The following NAMPT variants were observed in gnomAD, a reference collection of about 807,000 sequenced individuals.
NAMPT encodes the protein NAmPRTase.
A neutral mutation model predicts 58.7 loss-of-function variants in NAMPT; 7 were observed. That is an observed-to-expected ratio of 0.12 (90% confidence interval 0.07 to 0.22). The LOEUF (loss-of-function observed/expected upper bound fraction) is 0.22, where lower values mean the gene tolerates loss of function less well. Ranked by LOEUF, NAMPT falls within the 10% of genes least tolerant of loss-of-function variation. The probability of loss-of-function intolerance (pLI) is 1.00; values close to 1 mark genes in which losing one functional copy is unlikely to be tolerated. For synonymous variants in NAMPT, 145 were observed against 198.1 expected, an observed-to-expected ratio of 0.73 and a Z score of 2.25; for missense variants, 271 against 567.9, an observed-to-expected ratio of 0.48 and a Z score of 5.31.
intron 3 of NAMPT, among the ~76,000 whole-genome samples, chr7:106,273,216 C>A (rs997817057): frequency 6.6e-6 from 1 of 152,188 alleles, no homozygotes; most frequent in South Asian, 2.1e-4. Flanking sequence ...ACAGGCCAAA[C>A]ACAGAATCTT....
intron 5 of NAMPT, 68 bp from the exon 6 acceptor site, chr7:106,268,668 G>T: frequency 9.0e-7 from 1 of 1,107,196 alleles, no homozygotes; most frequent in Non-Finnish European, 1.4e-6. Flanking sequence ...CCAGGATGCA[G>T]CCAACCACAT....
chr7:106,259,004 C>T (rs1418712063), intron 8 of NAMPT, among the ~76,000 whole-genome samples: 1 of 152,232 alleles, frequency 6.6e-6, no homozygotes, highest in Non-Finnish European at 1.5e-5. Flanking sequence ...ATTGGGAGTG[C>T]ATCCTCTCAA....
At chr7:106,264,028 C>A (rs928215203) in intron 6 of NAMPT, among the ~76,000 whole-genome samples, 1 of 152,012 alleles carries the variant, frequency 6.6e-6, no homozygotes, top group African/African-American at 2.4e-5. Context: ...AATGAGAGCA[C>A]CTGGCTCCCT....
intron 6 of NAMPT, among the ~76,000 whole-genome samples, chr7:106,264,047 T>C (rs1792363592): frequency 6.6e-6 from 1 of 152,114 alleles, no homozygotes; most frequent in Admixed American, 6.5e-5. Context: ...CTTCTGTGAA[T>C]TTTTGAAACT....
intron 3 of NAMPT, among the ~76,000 whole-genome samples, chr7:106,273,768 A>G (rs1792581009): frequency 6.6e-6 from 1 of 152,218 alleles, no homozygotes; most frequent in Non-Finnish European, 1.5e-5. Context: ...GATAGCTCAC[A>G]GATTCTATTG....
At chr7:106,251,423 A>T (rs1394655275) in intron 10 of NAMPT, among the ~76,000 whole-genome samples, 1 of 152,100 alleles carries the variant, frequency 6.6e-6, no homozygotes, top group Non-Finnish European at 1.5e-5. Context: ...AAAAGGAATG[A>T]CCTTAATACT....
rs1057108508 is a variant in NAMPT, at chr7:106,253,118, T to A, written c.1264A>T (p.Asn422Tyr). 4 of 1,613,140 alleles carry A rather than the reference T, an allele frequency of 2.5e-6. No homozygotes were observed. The highest frequency in any genetic ancestry group is 1.1e-5 in the South Asian group (1 of 91,044). ...NVFKDPVADP[N>Y]KRSKKGRLSL... The stretch of plus-strand genomic sequence containing the variant: ...AATCGGCCCTTTTTGGACCTTTTGT[T>A]GGGATCAGCAACTGGGTCCTTGAAG... The change falls in exon 10 of 11, where the codon AAC (asparagine) becomes TAC (tyrosine). Residue 422 changes from asparagine (N) to tyrosine (Y), a missense_variant. Physicochemically the swap from Asn to Tyr is moderately radical, Grantham distance 143 (BLOSUM62 -2). This residue lies in a region of NAMPT where 143 missense variants were observed against 331.1 expected (regional missense o/e 0.43). Coordinates refer to ENST00000222553, the MANE Select transcript of NAMPT (RefSeq NM_005746.3).
At position 106,284,977 on chromosome 7, in the gene NAMPT, A is replaced by C. The variant is rs939294284; in HGVS notation, c.-93T>G. 2.0e-6 allele frequency: 3 copies of C among 1,502,044 alleles called. No homozygotes were observed. In the African/African-American group the frequency reaches 4.2e-5, roughly 21 times the overall value. 93.0% of individuals were successfully genotyped at this position (1,502,044 alleles called of 1,614,324 possible). A position where few individuals can be genotyped will look rare whatever the true frequency, so the allele number is the denominator to read the frequency against. On this transcript the variant is annotated 5_prime_UTR_variant, in exon 1 of 11. Coordinates refer to ENST00000222553, the MANE Select transcript of NAMPT (RefSeq NM_005746.3). ...GAGCTTCACCGCGCTCCGTTGCTTAAGTCACTGCTCGGTCGGCGGAGGAGG... is the reference window on the plus strand; with the variant it reads ...GAGCTTCACCGCGCTCCGTTGCTTACGTCACTGCTCGGTCGGCGGAGGAGG...
chr7:106,275,956 G>A (rs955795949), intron 2 of NAMPT: 1 of 152,280 alleles, frequency 6.6e-6, no homozygotes, highest in Non-Finnish European at 1.5e-5. Context: ...TGGAGCCTGG[G>A]AGGCAGAGGT....
At chr7:106,285,503 A>C (rs1311275716), upstream of NAMPT, 6 of 975,872 alleles carry the variant, frequency 6.1e-6, no homozygotes, top group African/African-American at 1.8e-5. Flanking sequence ...GGAGCCTCCT[A>C]CTGCCCATCT....
chr7:106,258,799 T>C (rs1331620202), intron 8 of NAMPT, among the ~76,000 whole-genome samples: 3 of 152,210 alleles, frequency 2.0e-5, no homozygotes, highest in Non-Finnish European at 4.4e-5. Flanking sequence ...TTTTTGTTGG[T>C]GGAGGGTCTT....
chr7:106,273,039 T>C (rs1235064810), intron 3 of NAMPT, among the ~76,000 whole-genome samples: 2 of 152,194 alleles, frequency 1.3e-5, no homozygotes, highest in African/African-American at 2.4e-5. Flanking sequence ...ACTACCTTTA[T>C]TCTAAATTCG....
At chr7:106,264,042 G>GTGAATTTT (rs1265785129) in intron 6 of NAMPT, among the ~76,000 whole-genome samples, 1 of 151,984 alleles carries the variant, frequency 6.6e-6, no homozygotes, top group Non-Finnish European at 1.5e-5. Context: ...GCTCCCTTCT[G>GTGAATTTT]TGAATTTTTG....
At chr7:106,256,452 A>G (rs1792200850) in intron 8 of NAMPT, among the ~76,000 whole-genome samples, 1 of 152,248 alleles carries the variant, frequency 6.6e-6, no homozygotes, top group Admixed American at 6.5e-5. Flanking sequence ...TCAAAATTAC[A>G]GCATCTAATT....
Position 106,263,417 on chromosome 7 carries a change from C to T in NAMPT, c.944G>A (p.Gly315Glu). The T allele has an allele frequency of 6.2e-7, 1 of 1,601,038 alleles. No homozygotes were observed. The highest frequency in any genetic ancestry group is 8.6e-7 in the Non-Finnish European group (1 of 1,169,190). Residue 315 changes from glycine (G) to glutamate (E), a missense_variant, in exon 7 of 11, where the codon GGA becomes GAA. Around this residue, in one of 4 missense-constraint regions of NAMPT, gnomAD observed 143 missense variants for 331.1 expected, o/e 0.43. Transcript: ENST00000222553. ...QAPLIIRPDS[G>E]NPLDTVLKVL... ...CTTTAACACAGTGTCAAGAGGGTTT[C>T]CAGAATCAGGTCTGATTATTAGTGG...
chr7:106,273,773 C>G (rs1198488946), intron 3 of NAMPT, among the ~76,000 whole-genome samples: 2 of 152,108 alleles, frequency 1.3e-5, no homozygotes, highest in African/African-American at 4.8e-5. Context: ...CTCACAGATT[C>G]TATTGACCTT....
chr7:106,267,872 A>AAAAAAAAAAAAAAAC lies in NAMPT; in HGVS notation c.743+591_743+592insGTTTTTTTTTTTTTT, dbSNP rs1562815992. Among the ~76,000 whole-genome samples, 17 of 136,274 alleles carry AAAAAAAAAAAAAAAC rather than the reference A, an allele frequency of 1.2e-4. 1 individual carries two copies. The highest frequency in any genetic ancestry group is 4.6e-4 in the African/African-American group (16 of 34,526). The allele number at this position is 136,274 out of a possible 152,430, so 89.4% of individuals were successfully genotyped here. ...AAAAAAAAAAAAAAAAAAAAAAAAA[A>AAAAAAAAAAAAAAAC]AAAACAACCTGATTTACTTTTAATA... On this transcript the variant is annotated intron_variant, in intron 6 of 10. Coordinates refer to ENST00000222553, the MANE Select transcript of NAMPT (RefSeq NM_005746.3).
At chr7:106,267,637 C>T (rs1022869194) in intron 6 of NAMPT, among the ~76,000 whole-genome samples, 6 of 151,140 alleles carry the variant, frequency 4.0e-5, no homozygotes, top group Non-Finnish European at 5.9e-5. Context: ...GTCAGGAGAT[C>T]GAGACCATCC....
At chr7:106,252,750 T>C (rs1001532759) in intron 10 of NAMPT, among the ~76,000 whole-genome samples, 1 of 152,108 alleles carries the variant, frequency 6.6e-6, no homozygotes, top group Admixed American at 6.6e-5. Context: ...GTAACATAGT[T>C]TGCTTTTGGA....
Sources: gnomAD v4.1 joint callset for allele counts (sites outside exome capture counted in the v4.1 genomes callset) on GRCh38, gnomAD v4.1.1 for gene constraint, gnomAD v4.1.1 regional missense constraint, MANE v1.5 for transcripts, NCBI Gene and HGNC (gene_info 2026-07-23, HGNC 2026-07-21) for gene names.